CHRNB1: variants seen among roughly 807,000 people sequenced by gnomAD.
CHRNB1 encodes the protein acetylcholine receptor subunit beta.
CHRNB1 carries 47 observed loss-of-function variants against 53.8 expected under a neutral mutation model. The observed-to-expected ratio is 0.87, with a 90% CI of 0.69 to 1.11. CHRNB1 has a LOEUF of 1.11. Among genes scored for constraint, CHRNB1 ranks in the 50% most tolerant of loss-of-function variants. The pLI is 0.00. For missense variants in CHRNB1, 605 were observed against 654.9 expected (o/e 0.92, Z 0.83); for synonymous variants, 259 against 263.5 (o/e 0.98, Z 0.16).
rs2069956547 is a variant in CHRNB1 at position 7,456,726 on chromosome 17, A to C, written c.*3A>C. On this transcript the variant is annotated 3_prime_UTR_variant, in exon 11 of 11. Transcript: ENST00000306071. ...CCCCTCCAGACCCCTTTCCTTGAAG[A>C]CTGGAGGGTTGAGACCCAGGCCCCC... The C allele has an allele frequency of 6.2e-7, 1 of 1,613,984 alleles. No homozygotes were observed. Among genetic ancestry groups the C allele is most frequent in the Non-Finnish European group, 8.5e-7 (1 of 1,180,016 alleles).
At chr17:7,448,484 C>A in intron 6 of CHRNB1, 95 bp from the exon 7 acceptor site, 1 of 1,164,148 alleles carries the variant, frequency 8.6e-7, no homozygotes. Context: ...ATCAAGTCAG[C>A]CCTCTCAGGT....
At chr17:7,452,849 C>A (rs1156351666) in intron 7 of CHRNB1, among the ~76,000 whole-genome samples, 1 of 152,142 alleles carries the variant, frequency 6.6e-6, no homozygotes, top group East Asian at 1.9e-4. Flanking sequence ...ATGGTGAAAC[C>A]CTGTCTCTAC....
Position 7,446,870 on chromosome 17 carries a change from A to C in CHRNB1, c.281A>C (p.Glu94Ala). 1 of 1,613,974 alleles carries C rather than the reference A, an allele frequency of 6.2e-7. No homozygotes were observed. Among genetic ancestry groups the C allele is most frequent in the Non-Finnish European group, 8.5e-7 (1 of 1,180,016 alleles). ...TACAGGCTGAGCTGGGACCCTGCGG[A>C]GCACGACGGCATCGATTCGCTCCGC... ...TDYRLSWDPA[E>A]HDGIDSLRIT... Residue 94 changes from glutamate to alanine, a missense_variant, in exon 4 of 11, where the codon GAG becomes GCG. Glu to Ala is a moderately radical substitution (Grantham distance 107). Coordinates refer to ENST00000306071, the MANE Select transcript of CHRNB1 (RefSeq NM_000747.3).
Position 7,455,748 on chromosome 17 carries a change from A to G in CHRNB1, c.1218-46A>G, listed in dbSNP as rs78354325. On this transcript the variant is annotated intron_variant, in intron 9 of 10. Coordinates refer to ENST00000306071, the MANE Select transcript of CHRNB1 (RefSeq NM_000747.3). ...CTGGAGCGGGGCCTGGGTCGCCGGC[A>G]CTGGCTGTCTTTGCGTTTGGGCGTG... 10,050 of 1,613,870 alleles carry G rather than the reference A, an allele frequency of 6.2e-3. 34 individuals carry two copies. Among genetic ancestry groups the G allele is most frequent in the Non-Finnish European group, 7.7e-3 (9,133 of 1,179,832 alleles).
chr17:7,446,716 A>T, intron 3 of CHRNB1, 117 bp from the exon 4 acceptor site: 1 of 770,602 alleles, frequency 1.3e-6, no homozygotes, highest in Non-Finnish European at 2.2e-6. Flanking sequence ...CCCTTGACCC[A>T]CAGTTTATGC....
chr17:7,447,181 G>C (rs781770923), intron 5 of CHRNB1, 30 bp downstream of exon 5: 2 of 1,575,152 alleles, frequency 1.3e-6, no homozygotes, highest in Non-Finnish European at 1.7e-6. Context: ...GAAGCTGAAG[G>C]AGCTCTTACA....
At chr17:7,447,005 C>A (rs545335596) in intron 4 of CHRNB1, 38 bp from the exon 5 acceptor site, 4 of 1,609,538 alleles carry the variant, frequency 2.5e-6, no homozygotes, top group East Asian at 4.5e-5. Context: ...GGCCTCCGGG[C>A]GCGGGGCCTG....
Position 7,446,926 on chromosome 17 carries a change from G to A in CHRNB1, c.337G>A (p.Val113Met), listed in dbSNP as rs1251426676. 2 of 1,613,716 alleles carry A rather than the reference G, an allele frequency of 1.2e-6. No individual in the cohort carries two copies. Among genetic ancestry groups the A allele is most frequent in the Admixed American group, 1.7e-5 (1 of 60,026 alleles). Residue 113 changes from valine to methionine, a missense_variant, in exon 4 of 11, where the codon GTG becomes ATG. Transcript: ENST00000306071. ...ITAESVWLPD[V>M]VLLNNNDGNF... ...GGCGGAATCCGTGTGGCTCCCTGAC[G>A]TGGTGCTACTGAACAAGTAGGAGAA...
intron 7 of CHRNB1, among the ~76,000 whole-genome samples, chr17:7,449,852 G>T (rs1359134807): frequency 6.6e-6 from 1 of 151,742 alleles, no homozygotes; most frequent in Non-Finnish European, 1.5e-5. Context: ...AGACCATCCT[G>T]GCTAACATGG....
chr17:7,452,055 TTC>T (rs1908909275), intron 7 of CHRNB1, among the ~76,000 whole-genome samples: 1 of 133,708 alleles, frequency 7.5e-6, no homozygotes, highest in African/African-American at 3.1e-5. Flanking sequence ...TCTTTCCTTT[TTC>T]TTTTTTTTTT....
chr17:7,445,218 G>C lies in CHRNB1; in HGVS notation c.58+33G>C. 1 of 1,611,536 alleles carries C rather than the reference G, an allele frequency of 6.2e-7. No individual in the cohort carries two copies. The highest frequency in any genetic ancestry group is 8.5e-7 in the Non-Finnish European group (1 of 1,179,496). ...TAGGCCCCGAAGGGGCAGTGACGGG[G>C]CCAGCGGTCGTGGCCAGGCACCAGG... On this transcript the variant is annotated intron_variant, in intron 1 of 10. Transcript: ENST00000306071. The surrounding 1 kb of genome is among the most constrained non-coding windows in gnomAD (Gnocchi z 5.7).
In CHRNB1 at chr17:7,447,091, C is replaced by CGTGCGTGGTG; in HGVS notation, c.402_403insGTGCGTGGTG (p.Ser135ValfsTer57). The CGTGCGTGGTG allele has an allele frequency of 1.2e-6, 2 of 1,614,170 alleles. No individual in the cohort carries two copies. The highest frequency in any genetic ancestry group is 1.7e-6 in the Non-Finnish European group (2 of 1,180,026). ...CTCTGGACATTAGCGTCGTGGTGTC[C>CGTGCGTGGTG]TCCGACGGCTCCGTGCGTTGGCAAC... On this transcript the variant is annotated frameshift_variant, in exon 5 of 11. Transcript: ENST00000306071. LOFTEE classifies it high-confidence loss of function.
rs1909002592 is a variant in CHRNB1 at position 7,454,521 on chromosome 17, G to A, written c.1044+1G>A. The A allele has an allele frequency of 6.2e-7, 1 of 1,613,488 alleles. No individual in the cohort carries two copies. Among genetic ancestry groups the A allele is most frequent in the Non-Finnish European group, 8.5e-7 (1 of 1,179,458 alleles). On this transcript the variant is annotated splice_donor_variant, in intron 8 of 10. Coordinates refer to ENST00000306071, the MANE Select transcript of CHRNB1 (RefSeq NM_000747.3). LOFTEE classifies it high-confidence loss of function. Reference sequence around the variant, plus strand: ...CCAAATGCCCCTTTGGGTCCGTCAGGTAAGAAAGATCTCCTCCTCCAACCC... The same window carrying A: ...CCAAATGCCCCTTTGGGTCCGTCAGATAAGAAAGATCTCCTCCTCCAACCC...
intron 8 of CHRNB1, among the ~76,000 whole-genome samples, chr17:7,454,766 T>C (rs984115159): frequency 3.3e-5 from 5 of 150,620 alleles, no homozygotes; most frequent in African/African-American, 1.2e-4. Context: ...CTCTTTCCAG[T>C]TGGGATACCT....
chr17:7,456,011 G>A, intron 10 of CHRNB1, 70 bp downstream of exon 10: 1 of 1,271,602 alleles, frequency 7.9e-7, no homozygotes. Flanking sequence ...TTCCGCACCA[G>A]CACTCGCTTT....
chr17:7,446,773 A>G (rs1908650280), intron 3 of CHRNB1, 60 bp from the exon 4 acceptor site: 2 of 1,382,886 alleles, frequency 1.4e-6, no homozygotes, highest in South Asian at 1.2e-5. Flanking sequence ...CTTCCTTTGG[A>G]AATCCCAAGT....
intron 7 of CHRNB1, among the ~76,000 whole-genome samples, chr17:7,453,576 G>A (rs549564755): frequency 4.4e-4 from 62 of 142,482 alleles, no homozygotes; most frequent in African/African-American, 1.5e-3. Flanking sequence ...CCTTCCAAAA[G>A]CCTGTCTTTT....
Position 7,453,819 on chromosome 17 carries a change from G to A in CHRNB1, c.821-478G>A, listed in dbSNP as rs377729875. Among the ~76,000 whole-genome samples, 21 of 151,788 alleles carry A rather than the reference G, an allele frequency of 1.4e-4. No individual in the cohort carries two copies. In the East Asian group the frequency reaches 3.7e-3, roughly 27 times the overall value. On this transcript the variant is annotated intron_variant, in intron 7 of 10. Transcript: ENST00000306071. ...CTCACGCCTGTAATCCCAACAGTTT[G>A]GGAGGCCAAGGTGGGTGGATCACTT... is the stretch of plus-strand genomic sequence containing the variant.
chr17:7,450,536 G>A (rs541069771), intron 7 of CHRNB1, among the ~76,000 whole-genome samples: 1 of 152,308 alleles, frequency 6.6e-6, no homozygotes, highest in South Asian at 2.1e-4. Flanking sequence ...GATTGACAGA[G>A]TTAATAGAAC....
Sources: allele counts gnomAD v4.1 joint callset (sites outside exome capture counted in the v4.1 genomes callset), GRCh38; gene constraint gnomAD v4.1.1; non-coding constraint Gnocchi (gnomAD v3.1); transcripts MANE v1.5; gene names NCBI Gene and HGNC (gene_info 2026-07-23, HGNC 2026-07-21).